Variants in ADAMTS16 observed in about 807,000 individuals in gnomAD.
The protein encoded by ADAMTS16 is A disintegrin and metalloproteinase with thrombospondin motifs 16.
Under a neutral mutation model 145.8 loss-of-function variants are expected in ADAMTS16, and 94 were observed. The ratio of observed to expected loss-of-function variants is 0.64; its 90% CI spans 0.55 to 0.77. The LOEUF (loss-of-function observed/expected upper bound fraction) is 0.77, where lower values mean the gene tolerates loss of function less well. Among genes scored for constraint, ADAMTS16 ranks in the 30% least tolerant of loss-of-function variants. The probability of loss-of-function intolerance (pLI) is 0.00; values close to 1 mark genes in which losing one functional copy is unlikely to be tolerated. For missense variants in ADAMTS16, 1,585 were observed against 1,591.5 expected (o/e 1.00, Z 0.07); for synonymous variants, 659 against 604.3 (o/e 1.09, Z -1.33).
intron 21 of ADAMTS16, among the ~76,000 whole-genome samples, chr5:5,307,541 T>C (rs34798013): frequency 0.36 from 54,992 of 152,008 alleles, 10,184 homozygotes; most frequent in Middle Eastern, 0.47. Context: ...CCCCTACATG[T>C]GCTCTCTCAC....
chr5:5,168,600 TATA>T (rs1734950278), intron 3 of ADAMTS16, among the ~76,000 whole-genome samples: 1 of 126,838 alleles, frequency 7.9e-6, no homozygotes, highest in East Asian at 2.1e-4. Context: ...ATATATAATA[TATA>T]ATTATATTTT....
At chr5:5,141,519 G>C (rs1490719414) in intron 2 of ADAMTS16, among the ~76,000 whole-genome samples, 6 of 152,194 alleles carry the variant, frequency 3.9e-5, no homozygotes, top group Non-Finnish European at 8.8e-5. Flanking sequence ...TGGTTGCTAG[G>C]TGGTTTTTTA....
chr5:5,247,075 C>T (rs904264554), intron 17 of ADAMTS16, among the ~76,000 whole-genome samples: 2 of 152,156 alleles, frequency 1.3e-5, no homozygotes, highest in South Asian at 2.1e-4. Context: ...TCCTACTGCT[C>T]ATCTGATTGG....
intron 3 of ADAMTS16, among the ~76,000 whole-genome samples, chr5:5,176,908 C>T (rs941511147): frequency 6.6e-6 from 1 of 152,124 alleles, no homozygotes; most frequent in Non-Finnish European, 1.5e-5. Context: ...CCAAGTCACA[C>T]TTCTGCTGCT....
chr5:5,168,788 G>T (rs1734969653), intron 3 of ADAMTS16, among the ~76,000 whole-genome samples: 1 of 139,100 alleles, frequency 7.2e-6, no homozygotes, highest in Admixed American at 7.5e-5. Flanking sequence ...TATAGATAGA[G>T]CCCTTATTTT....
At chr5:5,305,109 C>T (rs1740019402) in intron 20 of ADAMTS16, among the ~76,000 whole-genome samples, 1 of 69,868 alleles carries the variant, frequency 1.4e-5, no homozygotes, top group African/African-American at 4.8e-5. Flanking sequence ...ACACATCCCA[C>T]ACCACACACA....
intron 2 of ADAMTS16, among the ~76,000 whole-genome samples, chr5:5,144,158 C>T (rs1479603): frequency 0.45 from 67,653 of 151,890 alleles, 15,522 homozygotes; most frequent in Admixed American, 0.56. Context: ...TGCTCACTAG[C>T]GAACATAATA....
intron 16 of ADAMTS16, among the ~76,000 whole-genome samples, chr5:5,241,585 T>C (rs964709742): frequency 5.9e-5 from 9 of 152,212 alleles, no homozygotes; most frequent in Admixed American, 2.0e-4. Flanking sequence ...GGTATCTCTT[T>C]CTGATTTGCT....
chr5:5,259,416 C>T (rs1737914118), intron 17 of ADAMTS16, among the ~76,000 whole-genome samples: 1 of 152,234 alleles, frequency 6.6e-6, no homozygotes, highest in Non-Finnish European at 1.5e-5. Context: ...ACCCTGTTTA[C>T]TGTAAAAAGT....
At chr5:5,237,123 C>A in intron 14 of ADAMTS16, 24 bp downstream of exon 14, 1 of 1,609,722 alleles carries the variant, frequency 6.2e-7, no homozygotes, top group South Asian at 1.1e-5. Flanking sequence ...TTCATTCATT[C>A]AACAAATGAT....
At chr5:5,208,959 G>A (rs1237778293) in intron 9 of ADAMTS16, 134 bp from the exon 10 acceptor site, 2 of 856,708 alleles carry the variant, frequency 2.3e-6, no homozygotes, top group African/African-American at 3.4e-5. Flanking sequence ...TGTAACTCAG[G>A]AGAAAAAAAG....
chr5:5,174,101 G>A (rs1205906598), intron 3 of ADAMTS16, among the ~76,000 whole-genome samples: 1 of 152,120 alleles, frequency 6.6e-6, no homozygotes, highest in Non-Finnish European at 1.5e-5. Context: ...TCAGACTGAA[G>A]AATTCTCTTT....
At chr5:5,292,821 T>C (rs1184482460) in intron 18 of ADAMTS16, among the ~76,000 whole-genome samples, 1 of 152,166 alleles carries the variant, frequency 6.6e-6, no homozygotes, top group African/African-American at 2.4e-5. Flanking sequence ...TGGGACACAT[T>C]TGTTTGTCAT....
intron 18 of ADAMTS16, among the ~76,000 whole-genome samples, chr5:5,266,419 G>T (rs1738241438): frequency 6.6e-6 from 1 of 152,230 alleles, no homozygotes; most frequent in Non-Finnish European, 1.5e-5. Flanking sequence ...GCAGAGAGAA[G>T]CAAAAGCAAC....
intron 11 of ADAMTS16, among the ~76,000 whole-genome samples, chr5:5,229,404 G>T (rs1199899160): frequency 6.6e-6 from 1 of 152,050 alleles, no homozygotes; most frequent in Non-Finnish European, 1.5e-5. Context: ...AGACACTGCA[G>T]TAAGGTGGAT....
intron 18 of ADAMTS16, among the ~76,000 whole-genome samples, chr5:5,302,477 G>A (rs1237779497): frequency 3.3e-5 from 5 of 152,032 alleles, no homozygotes; most frequent in African/African-American, 1.2e-4. Flanking sequence ...AAAAGATAGA[G>A]GACAGAGAAA....
chr5:5,209,851 C>T (rs1451086215), intron 10 of ADAMTS16, among the ~76,000 whole-genome samples: 1 of 151,988 alleles, frequency 6.6e-6, no homozygotes, highest in African/African-American at 2.4e-5. Flanking sequence ...GAAAAGCTAC[C>T]CATAAATTAA....
chr5:5,233,773 C>T lies in ADAMTS16; in HGVS notation c.1851-1241C>T, dbSNP rs537340449. Among the ~76,000 whole-genome samples the T allele has an allele frequency of 3.9e-5, 6 of 152,198 alleles. No individual in the cohort carries two copies. In the South Asian group the frequency reaches 8.3e-4, roughly 21 times the overall value. On this transcript the variant is annotated intron_variant, in intron 12 of 22. Coordinates refer to ENST00000274181, the MANE Select transcript of ADAMTS16 (RefSeq NM_139056.4). ...GGCGTTTAGGTTGACTCCATGTCTT[C>T]GCTATTGTGAAGGTGCTGCACAATG...
intron 18 of ADAMTS16, among the ~76,000 whole-genome samples, chr5:5,284,631 G>T (rs1328803748): frequency 1.3e-5 from 2 of 152,186 alleles, no homozygotes; most frequent in Non-Finnish European, 1.5e-5. Flanking sequence ...CTCGTTAATA[G>T]AATTCTGTCT....
Sources: gnomAD v4.1 joint callset for allele counts (sites outside exome capture counted in the v4.1 genomes callset) on GRCh38, gnomAD v4.1.1 for gene constraint, MANE v1.5 for transcripts, NCBI Gene and HGNC (gene_info 2026-07-23, HGNC 2026-07-21) for gene names.